CACNA1I: variants seen among roughly 807,000 people sequenced by gnomAD.
The protein encoded by CACNA1I is calcium voltage-gated channel subunit alpha1 I.
CACNA1I carries 74 observed loss-of-function variants against 201.6 expected under a neutral mutation model. That is an observed-to-expected ratio of 0.37 (90% CI 0.30 to 0.45). The LOEUF is 0.45. CACNA1I is among the 20% of genes least tolerant of loss of function. The probability of loss-of-function intolerance (pLI) is 1.00; values close to 1 mark genes in which losing one functional copy is unlikely to be tolerated. For missense variants in CACNA1I, 2,346 were observed against 3,138.1 expected (o/e 0.75, Z 6.03); for synonymous variants, 1,431 against 1,345.2 (o/e 1.06, Z -1.40).
chr22:39,577,051 A>G (rs920304781), intron 1 of CACNA1I, among the ~76,000 whole-genome samples: 8 of 151,660 alleles, frequency 5.3e-5, no homozygotes, highest in African/African-American at 1.5e-4. Context: ...TCCCAGTTTC[A>G]AGTTATTCTC....
chr22:39,642,858 A>G lies in CACNA1I; in HGVS notation c.1118A>G (p.Tyr373Cys). 6.2e-7 allele frequency: 1 copy of G among 1,610,168 alleles called. No individual in the cohort carries two copies. The highest frequency in any genetic ancestry group is 1.7e-4 in the Middle Eastern group (1 of 6,060). The change falls in exon 7 of 37, where the codon TAC becomes TGC. Residue 373 changes from tyrosine (Y) to cysteine (C), a missense_variant. This residue lies in a region of CACNA1I where 227 missense variants were observed against 412.5 expected (regional missense o/e 0.55). Coordinates refer to ENST00000402142, the MANE Select transcript of CACNA1I (RefSeq NM_021096.4). ...TACGTGATGGATGCTCACTCCTTCTACAACTTCATCTACTTCATCCTGCTT... is the reference window on the plus strand; with the variant it reads ...TACGTGATGGATGCTCACTCCTTCTGCAACTTCATCTACTTCATCCTGCTT... ...MYYVMDAHSF[Y>C]NFIYFILLII...
intron 4 of CACNA1I, among the ~76,000 whole-genome samples, chr22:39,620,253 ATCCATC>A (rs1933704128): frequency 2.2e-5 from 3 of 134,530 alleles, no homozygotes; most frequent in Admixed American, 1.5e-4. Flanking sequence ...CCATCCATCC[ATCCATC>A]CATCCATCCA....
At chr22:39,578,139 G>T (rs1932421932) in intron 1 of CACNA1I, among the ~76,000 whole-genome samples, 1 of 152,150 alleles carries the variant, frequency 6.6e-6, no homozygotes, top group Admixed American at 6.5e-5. Flanking sequence ...GGGAAGGTGG[G>T]GAGTGGGGCC....
intron 23 of CACNA1I, 144 bp from the exon 24 acceptor site, chr22:39,668,148 G>A (rs554863818): frequency 3.2e-4 from 190 of 591,952 alleles, no homozygotes; most frequent in African/African-American, 3.0e-3. Flanking sequence ...TTTGTTGGAC[G>A]AGGGCACAGC....
intron 4 of CACNA1I, among the ~76,000 whole-genome samples, chr22:39,620,799 G>A (rs1423796520): frequency 6.6e-6 from 1 of 152,108 alleles, no homozygotes; most frequent in Admixed American, 6.5e-5. Flanking sequence ...CTGTTGCCCA[G>A]ACTGGAGTCC....
chr22:39,675,044 C>T (rs1308884973), intron 29 of CACNA1I, among the ~76,000 whole-genome samples: 1 of 152,174 alleles, frequency 6.6e-6, no homozygotes, highest in Non-Finnish European at 1.5e-5. Flanking sequence ...GGACTTTGTC[C>T]CATGGGAGAT....
intron 1 of CACNA1I, among the ~76,000 whole-genome samples, chr22:39,572,444 G>A (rs976167696): frequency 2.0e-5 from 3 of 152,118 alleles, no homozygotes; most frequent in Non-Finnish European, 4.4e-5. Context: ...ACTGGCTGCA[G>A]GACTGCCAGG....
intron 26 of CACNA1I, among the ~76,000 whole-genome samples, chr22:39,671,939 T>C (rs1015472721): frequency 3.9e-5 from 6 of 152,170 alleles, no homozygotes; most frequent in African/African-American, 1.4e-4. Flanking sequence ...GCTCAGTAGC[T>C]CTTCATTAAT....
chr22:39,682,731 T>C, intron 35 of CACNA1I, 70 bp downstream of exon 35: 1 of 1,395,890 alleles, frequency 7.2e-7, no homozygotes, highest in South Asian at 1.3e-5. Flanking sequence ...GGGAGATGGC[T>C]GAGTTTTTTC....
Position 39,648,593 on chromosome 22 carries a change from C to G in CACNA1I, c.1567+667C>G, listed in dbSNP as rs1185781550. On this transcript the variant is annotated intron_variant, in intron 9 of 36. Coordinates refer to ENST00000402142, the MANE Select transcript of CACNA1I (RefSeq NM_021096.4). This position sits in a 1 kb window ranked among gnomAD's most constrained non-coding sequence, Gnocchi z 5.4. ...CCTGACTCCAGAGGTGTGAATGAGC[C>G]AGGGGTGCTTATTCAGGGCTTGGGA... Among the ~76,000 whole-genome samples, 1 of 152,074 alleles carries G rather than the reference C, an allele frequency of 6.6e-6. No homozygotes were observed. Among genetic ancestry groups the G allele is most frequent in the Non-Finnish European group, 1.5e-5 (1 of 68,024 alleles).
At chr22:39,637,377 G>T (rs976254217) in intron 5 of CACNA1I, among the ~76,000 whole-genome samples, 1 of 152,158 alleles carries the variant, frequency 6.6e-6, no homozygotes, top group African/African-American at 2.4e-5. Flanking sequence ...ATGTCTCCAG[G>T]CAGATGGGGG....
intron 1 of CACNA1I, among the ~76,000 whole-genome samples, chr22:39,591,028 T>C (rs1932815004): frequency 6.6e-6 from 1 of 151,862 alleles, no homozygotes; most frequent in East Asian, 1.9e-4. Flanking sequence ...ATTTTTTTTT[T>C]TTTTTGCAGA....
chr22:39,587,472 G>A (rs1311328442), intron 1 of CACNA1I, among the ~76,000 whole-genome samples: 1 of 152,168 alleles, frequency 6.6e-6, no homozygotes, highest in South Asian at 2.1e-4. Context: ...GTCATCTCGG[G>A]CAAGTGCTGT....
intron 7 of CACNA1I, among the ~76,000 whole-genome samples, chr22:39,645,859 C>T (rs1417958765): frequency 6.6e-6 from 1 of 152,224 alleles, no homozygotes; most frequent in East Asian, 1.9e-4. Context: ...CAGCCTCTCC[C>T]CCTTCATTTC....
intron 17 of CACNA1I, 77 bp from the exon 18 acceptor site, chr22:39,662,699 G>T: frequency 9.1e-7 from 1 of 1,095,202 alleles, no homozygotes; most frequent in Non-Finnish European, 1.3e-6. Flanking sequence ...GACCCCAGTT[G>T]GCGCGATGGC....
intron 4 of CACNA1I, among the ~76,000 whole-genome samples, chr22:39,620,101 A>G: frequency 8.8e-6 from 1 of 113,570 alleles, no homozygotes; most frequent in Non-Finnish European, 1.7e-5. Context: ...CCACCTGTCC[A>G]TCCATCTACC....
In CACNA1I at chr22:39,679,459, G is replaced by A; in HGVS notation, c.5394+14G>A. ...TCGCCTGCCCAGGTGGGCAGGGGCTGGAGAGGTGTGAGGGTCGCCAGAGGG... is the reference window on the plus strand; with the variant it reads ...TCGCCTGCCCAGGTGGGCAGGGGCTAGAGAGGTGTGAGGGTCGCCAGAGGG... On this transcript the variant is annotated intron_variant, in intron 32 of 36. Coordinates refer to ENST00000402142, the MANE Select transcript of CACNA1I (RefSeq NM_021096.4). 7.1e-7 allele frequency: 1 copy of A among 1,411,612 alleles called. No homozygotes were observed. The highest frequency in any genetic ancestry group is 9.2e-7 in the Non-Finnish European group (1 of 1,090,944). 87.4% of individuals were successfully genotyped at this position (1,411,612 alleles called of 1,614,324 possible). A position where few individuals can be genotyped will look rare whatever the true frequency, so the allele number is the denominator to read the frequency against.
Position 39,681,006 on chromosome 22 carries a change from G to A in CACNA1I, c.5618G>A (p.Ser1873Asn). The change falls in exon 34 of 37, where the codon AGT becomes AAT. Residue 1873 changes from serine to asparagine, a missense_variant. Physicochemically the swap from Ser to Asn is conservative, Grantham distance 46. Around this residue, in one of 13 missense-constraint regions of CACNA1I, gnomAD observed 441 missense variants for 555.6 expected, o/e 0.79. Coordinates refer to ENST00000402142, the MANE Select transcript of CACNA1I (RefSeq NM_021096.4). The part of the protein sequence containing the change: ...SSSILLGDDL[S>N]LEDPTACPPG... Reference sequence around the variant, plus strand: ...TCCATCCTGCTGGGTGACGACCTGAGTCTCGAGGACCCCACAGCCTGCCCA... The same window carrying A: ...TCCATCCTGCTGGGTGACGACCTGAATCTCGAGGACCCCACAGCCTGCCCA... 6.2e-7 allele frequency: 1 copy of A among 1,611,674 alleles called. No homozygotes were observed. The highest frequency in any genetic ancestry group is 1.1e-5 in the South Asian group (1 of 90,810).
chr22:39,677,433 A>G lies in CACNA1I; in HGVS notation c.4933+14A>G. The G allele has an allele frequency of 6.5e-7, 1 of 1,530,938 alleles. No individual in the cohort carries two copies. Among genetic ancestry groups the G allele is most frequent in the South Asian group, 1.2e-5 (1 of 81,936 alleles). The allele number at this position is 1,530,938 out of a possible 1,614,324, so 94.8% of individuals were successfully genotyped here. On this transcript the variant is annotated intron_variant, in intron 30 of 36. Transcript: ENST00000402142. This position sits in a 1 kb window ranked among gnomAD's most constrained non-coding sequence, Gnocchi z 4.8. Reference sequence around the variant, plus strand: ...TTGGGAAGCTGGGTGAGTGACTCCCAGAGCAGGCCCGTGGTGGGGGTGCAG... The same window carrying G: ...TTGGGAAGCTGGGTGAGTGACTCCCGGAGCAGGCCCGTGGTGGGGGTGCAG...
Sources: gnomAD v4.1 joint callset for allele counts (sites outside exome capture counted in the v4.1 genomes callset) on GRCh38, gnomAD v4.1.1 for gene constraint, gnomAD v4.1.1 regional missense constraint, Gnocchi (gnomAD v3.1) non-coding constraint, MANE v1.5 for transcripts, NCBI Gene and HGNC (gene_info 2026-07-23, HGNC 2026-07-21) for gene names.